The following VPS8 variants were observed in gnomAD, a reference collection of about 807,000 sequenced individuals.
The protein encoded by VPS8 is vacuolar protein sorting-associated protein 8 homolog.
In VPS8, 129 loss-of-function variants were observed where a neutral mutation model predicts 216.4. That is an observed-to-expected ratio of 0.60 (90% confidence interval 0.52 to 0.69). VPS8 has a LOEUF of 0.69. VPS8 is among the 30% of genes least tolerant of loss of function. The pLI, the probability that VPS8 is intolerant of heterozygous loss-of-function variation, is 0.00. For missense variants in VPS8, 1,531 were observed against 1,683.5 expected (o/e 0.91, Z 1.59); for synonymous variants, 571 against 565.4 (o/e 1.01, Z -0.14).
At chr3:185,029,135 A>G (rs1757767864) in intron 46 of VPS8, among the ~76,000 whole-genome samples, 1 of 152,200 alleles carries the variant, frequency 6.6e-6, no homozygotes. Context: ...TTAGTTGGGT[A>G]TATATTTTTG....
chr3:184,944,041 GCACACA>G (rs57639626), intron 36 of VPS8, among the ~76,000 whole-genome samples: 4 of 149,960 alleles, frequency 2.7e-5, no homozygotes, highest in African/African-American at 7.5e-5. Flanking sequence ...GGCAGAGGTT[GCACACA>G]CACACACACA....
intron 26 of VPS8, among the ~76,000 whole-genome samples, chr3:184,913,803 G>C (rs1487986703): frequency 6.6e-6 from 1 of 152,186 alleles, no homozygotes; most frequent in Non-Finnish European, 1.5e-5. Context: ...CTGGTATCTA[G>C]TGGGCAGAGG....
At chr3:185,006,295 TAA>T (rs749959716) in intron 45 of VPS8, among the ~76,000 whole-genome samples, 32 of 152,358 alleles carry the variant, frequency 2.1e-4, no homozygotes, top group Non-Finnish European at 4.3e-4. Flanking sequence ...GTTTTTATGT[TAA>T]GTTAGTCTTT....
At chr3:184,819,109 C>T (rs1038212863) in intron 1 of VPS8, among the ~76,000 whole-genome samples, 1 of 151,906 alleles carries the variant, frequency 6.6e-6, no homozygotes, top group Admixed American at 6.6e-5. Context: ...GTTTATATGG[C>T]GCATATCTTT....
intron 22 of VPS8, among the ~76,000 whole-genome samples, chr3:184,886,368 G>A (rs1731228690): frequency 6.6e-6 from 1 of 151,978 alleles, no homozygotes; most frequent in Admixed American, 6.6e-5. Flanking sequence ...ATTTGTCTGT[G>A]TGGCAGGATA....
intron 1 of VPS8, among the ~76,000 whole-genome samples, chr3:184,822,704 G>A (rs868565427): frequency 9.8e-5 from 15 of 152,312 alleles, no homozygotes; most frequent in African/African-American, 3.1e-4. Context: ...ACAAATAGGA[G>A]TTGAAAGACT....
At chr3:184,836,465 A>C in intron 5 of VPS8, 1 of 353,574 alleles carries the variant, frequency 2.8e-6, no homozygotes, top group South Asian at 2.2e-5. Context: ...GATTAGATAA[A>C]TCTGTTATTT....
At chr3:185,043,000 T>C (rs777408301) in intron 46 of VPS8, among the ~76,000 whole-genome samples, 2 of 152,100 alleles carry the variant, frequency 1.3e-5, no homozygotes, top group Non-Finnish European at 2.9e-5. Flanking sequence ...TTAGGTTCCC[T>C]CATCTAATGA....
chr3:184,914,880 C>A, intron 26 of VPS8, 101 bp from the exon 27 acceptor site: 1 of 1,186,614 alleles, frequency 8.4e-7, no homozygotes, highest in Non-Finnish European at 1.2e-6. Flanking sequence ...AGCCTACTTA[C>A]AAATTGAACT....
intron 36 of VPS8, among the ~76,000 whole-genome samples, chr3:184,951,481 TAAA>T (rs748553613): frequency 7.4e-6 from 1 of 135,878 alleles, no homozygotes. Flanking sequence ...TGAGACTGTC[TAAA>T]AAAAAAAAAA....
chr3:184,873,782 C>T (rs1006931052), intron 21 of VPS8, among the ~76,000 whole-genome samples: 1 of 152,166 alleles, frequency 6.6e-6, no homozygotes, highest in Non-Finnish European at 1.5e-5. Context: ...TTGTTCAACT[C>T]TCAAGACCCA....
intron 29 of VPS8, 34 bp from the exon 30 acceptor site, chr3:184,924,828 G>T (rs749953566): frequency 1.9e-6 from 3 of 1,578,246 alleles, no homozygotes; most frequent in South Asian, 1.2e-5. Flanking sequence ...AAACCAAATG[G>T]TGTATTGAAT....
chr3:184,939,554 C>CCT (rs1325160982), intron 35 of VPS8, among the ~76,000 whole-genome samples: 4 of 141,192 alleles, frequency 2.8e-5, no homozygotes, highest in African/African-American at 5.2e-5. Flanking sequence ...TTGCTGTCCT[C>CCT]TTTTTTTTTT....
chr3:184,846,306 A>G (rs1723115126), intron 8 of VPS8, among the ~76,000 whole-genome samples: 1 of 152,244 alleles, frequency 6.6e-6, no homozygotes, highest in Non-Finnish European at 1.5e-5. Flanking sequence ...TAAGATTGAT[A>G]ATTTACTTCC....
intron 34 of VPS8, among the ~76,000 whole-genome samples, chr3:184,935,585 A>G (rs1445349027): frequency 6.6e-6 from 1 of 152,198 alleles, no homozygotes; most frequent in Non-Finnish European, 1.5e-5. Context: ...AGAAGGTACA[A>G]TTGGAAAGGT....
chr3:184,956,499 C>A (rs1038322606), intron 36 of VPS8, among the ~76,000 whole-genome samples: 22 of 152,166 alleles, frequency 1.4e-4, no homozygotes, highest in Admixed American at 2.6e-4. Context: ...ATCTTATTAA[C>A]CGTATTCCAG....
chr3:184,940,270 T>TTATATATATA lies in VPS8; in HGVS notation c.3035+37_3035+46dup, dbSNP rs5855048. 1.2e-3 allele frequency: 688 copies of TTATATATATA among 579,404 alleles called. 2 individuals carry two copies. Among genetic ancestry groups the TTATATATATA allele is most frequent in the Admixed American group, 1.4e-3 (37 of 26,166 alleles). 35.9% of individuals were successfully genotyped at this position (579,404 alleles called of 1,614,324 possible). ...TATGTTGACAAACTTTAGTCTTTCATTATATATATATATATATATGAGAAA... is the reference window on the plus strand; with the variant it reads ...TATGTTGACAAACTTTAGTCTTTCATTATATATATATATATATATATATATATATGAGAAA... On this transcript the variant is annotated intron_variant, in intron 36 of 47. Transcript: ENST00000625842.
chr3:184,868,298 T>C, intron 18 of VPS8: 1 of 458,346 alleles, frequency 2.2e-6, no homozygotes, highest in Non-Finnish European at 3.9e-6. Flanking sequence ...GATTTCTCTG[T>C]CATGTAAAAG....
intron 2 of VPS8, chr3:184,825,062 C>T (rs1007639988): frequency 2.4e-4 from 81 of 342,040 alleles, no homozygotes; most frequent in African/African-American, 1.1e-3. Flanking sequence ...TGTGTCACCA[C>T]GCCCGCCTAA....
Sources: gnomAD v4.1 joint callset for allele counts (sites outside exome capture counted in the v4.1 genomes callset) on GRCh38, gnomAD v4.1.1 for gene constraint, MANE v1.5 for transcripts, NCBI Gene and HGNC (gene_info 2026-07-23, HGNC 2026-07-21) for gene names.